The following LOC400499 variants were observed in gnomAD, a reference collection of about 807,000 sequenced individuals.
chr16:11,439,133 C>T, the LOC400499 span, among the ~76,000 whole-genome samples: 1 of 152,162 alleles, frequency 6.6e-6, no homozygotes, highest in African/African-American at 2.4e-5. Flanking sequence ...TTCTCCACCT[C>T]CAAAATGCCC....
At chr16:11,473,065 G>C in the LOC400499 span, 1 of 151,874 alleles carries the variant, frequency 6.6e-6, no homozygotes, top group Non-Finnish European at 1.5e-5. Flanking sequence ...GCAGAGAGCC[G>C]AGATTGCGCC....
At chr16:11,526,437 T>C in the LOC400499 span, among the ~76,000 whole-genome samples, 1 of 152,196 alleles carries the variant, frequency 6.6e-6, no homozygotes, top group Non-Finnish European at 1.5e-5. Context: ...TGAAACAACT[T>C]GGCACAGTAG....
At chr16:11,437,679 C>T in the LOC400499 span, among the ~76,000 whole-genome samples, 1 of 152,136 alleles carries the variant, frequency 6.6e-6, no homozygotes, top group Non-Finnish European at 1.5e-5. Context: ...ACCAGCCTGG[C>T]CAACGTAGTG....
the LOC400499 span, among the ~76,000 whole-genome samples, chr16:11,390,985 G>A: frequency 4.6e-5 from 7 of 152,216 alleles, no homozygotes; most frequent in African/African-American, 1.7e-4. Flanking sequence ...CTCCGCCCCA[G>A]CCCCCTTCCC....
chr16:11,497,866 T>C, the LOC400499 span, among the ~76,000 whole-genome samples: 1 of 152,004 alleles, frequency 6.6e-6, no homozygotes, highest in Non-Finnish European at 1.5e-5. Flanking sequence ...AAGAAAACAA[T>C]CTTAATGCAA....
At chr16:11,393,873 T>G in the LOC400499 span, among the ~76,000 whole-genome samples, 20 of 151,964 alleles carry the variant, frequency 1.3e-4, no homozygotes, top group Non-Finnish European at 2.4e-4. Flanking sequence ...AGCCCAGGAG[T>G]TTCAGACTAG....
chr16:11,378,613 C>T, the LOC400499 span, among the ~76,000 whole-genome samples: 1,851 of 152,264 alleles, frequency 0.012, 38 homozygotes, highest in African/African-American at 0.041. Flanking sequence ...CCTCATAGCA[C>T]TGCTTTTGCT....
chr16:11,491,514 T>A, the LOC400499 span, among the ~76,000 whole-genome samples: 1 of 152,132 alleles, frequency 6.6e-6, no homozygotes, highest in Non-Finnish European at 1.5e-5. Context: ...AATTGCCATG[T>A]GGGGGAGGGG....
At chr16:11,384,394 G>A in the LOC400499 span, 5 of 878,632 alleles carry the variant, frequency 5.7e-6, no homozygotes, top group East Asian at 3.3e-5. Flanking sequence ...CAGCCCTGCT[G>A]CCTCAGGACC....
chr16:11,396,596 G>C, the LOC400499 span: 1 of 1,232,142 alleles, frequency 8.1e-7, no homozygotes, highest in Non-Finnish European at 1.0e-6. Flanking sequence ...GTCTGGGTCT[G>C]GTGCAAGGCC....
At chr16:11,445,610 G>T in the LOC400499 span, among the ~76,000 whole-genome samples, 1 of 152,096 alleles carries the variant, frequency 6.6e-6, no homozygotes, top group Non-Finnish European at 1.5e-5. Flanking sequence ...TCCCGAGGCA[G>T]GAAAGAGCCA....
At chr16:11,482,997 G>A in the LOC400499 span, among the ~76,000 whole-genome samples, 1 of 151,824 alleles carries the variant, frequency 6.6e-6, no homozygotes, top group African/African-American at 2.4e-5. Context: ...AATAAGATGA[G>A]CAAAAGATTT....
chr16:11,423,078 G>A, the LOC400499 span: 9 of 398,882 alleles, frequency 2.3e-5, no homozygotes, highest in Admixed American at 4.4e-5. Context: ...ACTCAGCTCC[G>A]GGCCACACCT....
chr16:11,463,711 ATGTG>A, the LOC400499 span, among the ~76,000 whole-genome samples: 1 of 151,688 alleles, frequency 6.6e-6, no homozygotes, highest in Non-Finnish European at 1.5e-5. Flanking sequence ...GTATATATGG[ATGTG>A]TGTGTGGATA....
chr16:11,457,069 A>G, the LOC400499 span: 2 of 1,493,512 alleles, frequency 1.3e-6, no homozygotes, highest in African/African-American at 2.8e-5. Context: ...CCAAGATGCC[A>G]ATGGGATCAT....
chr16:11,446,670 A>G, the LOC400499 span: 5 of 1,533,878 alleles, frequency 3.3e-6, no homozygotes, highest in South Asian at 4.8e-5. Flanking sequence ...GTACACACGC[A>G]TGCAGGGAGT....
At chr16:11,426,187 G>A in the LOC400499 span, among the ~76,000 whole-genome samples, 5 of 152,350 alleles carry the variant, frequency 3.3e-5, no homozygotes, top group African/African-American at 1.2e-4. Context: ...TGTAATCCCA[G>A]CACTTTGGGA....
At chr16:11,446,287 C>T in the LOC400499 span, among the ~76,000 whole-genome samples, 1 of 152,006 alleles carries the variant, frequency 6.6e-6, no homozygotes, top group African/African-American at 2.4e-5. Context: ...GTAGCTGGGA[C>T]TACAAGCACA....
the LOC400499 span, among the ~76,000 whole-genome samples, chr16:11,474,300 G>A: frequency 6.6e-6 from 1 of 152,182 alleles, no homozygotes; most frequent in Non-Finnish European, 1.5e-5. Context: ...TCTGGACACT[G>A]AAATTTCAAT....
Sources: gnomAD v4.1 joint callset for allele counts (sites outside exome capture counted in the v4.1 genomes callset) on GRCh38, gnomAD v4.1.1 for gene constraint, MANE v1.5 for transcripts.